ICE2: variants seen among roughly 807,000 people sequenced by gnomAD.
ICE2 encodes the protein interactor of little elongation complex ELL subunit 2, also known as little elongation complex subunit 2.
Under a neutral mutation model 105.4 loss-of-function variants are expected in ICE2, and 87 were observed. That is an observed-to-expected ratio of 0.83 (90% CI 0.69 to 0.99). The LOEUF is 0.99. ICE2 is among the 50% of genes least tolerant of loss of function. ICE2 has a pLI of 0.00. For synonymous variants in ICE2, 399 were observed against 392.0 expected (o/e 1.02, Z -0.21); for missense variants, 1,323 against 1,146.7 (o/e 1.15, Z -2.22).
intron 5 of ICE2, among the ~76,000 whole-genome samples, chr15:60,465,408 T>C (rs546737455): frequency 6.6e-5 from 10 of 152,138 alleles, no homozygotes; most frequent in Non-Finnish European, 1.3e-4. Flanking sequence ...CCAGGTTAGT[T>C]TCAAATTACT....
chr15:60,463,022 C>G (rs537903220), intron 5 of ICE2, among the ~76,000 whole-genome samples: 1 of 152,104 alleles, frequency 6.6e-6, no homozygotes, highest in African/African-American at 2.4e-5. Context: ...CAATAAATTA[C>G]AAGACACTCA....
chr15:60,451,540 T>C (rs2063966581), intron 9 of ICE2: 2 of 982,654 alleles, frequency 2.0e-6, no homozygotes, highest in Non-Finnish European at 2.4e-6. Context: ...GCAACATAAA[T>C]TAGACTAATA....
rs1352948731 is a variant in ICE2, at chr15:60,420,392, A to C, written c.*3242T>G. 1 of 152,120 alleles carries C rather than the reference A, an allele frequency of 6.6e-6. No individual in the cohort carries two copies. Among genetic ancestry groups the C allele is most frequent in the African/African-American group, 2.4e-5 (1 of 41,394 alleles). The allele number at this position is 152,120 out of a possible 1,614,324, so 9.4% of individuals were successfully genotyped here. A position where few individuals can be genotyped will look rare whatever the true frequency, so the allele number is the denominator to read the frequency against. On this transcript the variant is annotated 3_prime_UTR_variant, in exon 16 of 16. Coordinates refer to ENST00000261520, the MANE Select transcript of ICE2 (RefSeq NM_024611.6). ...GCCATTGCCATTTTTCAGTTACTAC[A>C]ACACAGGCTCCCAACATTTCTTCTT...
chr15:60,470,490 A>C (rs1208487822), intron 3 of ICE2, among the ~76,000 whole-genome samples: 1 of 152,184 alleles, frequency 6.6e-6, no homozygotes. Context: ...GGGGAATACT[A>C]AATGCCTGCA....
intron 15 of ICE2, among the ~76,000 whole-genome samples, chr15:60,427,535 C>T (rs927283946): frequency 1.3e-5 from 2 of 152,168 alleles, no homozygotes; most frequent in Non-Finnish European, 2.9e-5. Flanking sequence ...ATTCTCCTGC[C>T]TCAGCCTCTC....
At chr15:60,452,152 G>C in intron 9 of ICE2, 2 of 977,016 alleles carry the variant, frequency 2.0e-6, no homozygotes, top group African/African-American at 1.7e-5. Flanking sequence ...ATTTTTAAAA[G>C]TAAAATGTGT....
At position 60,428,730 on chromosome 15, in the gene ICE2, C is replaced by A; in HGVS notation, c.2562-43G>T. On this transcript the variant is annotated intron_variant, in intron 14 of 15. Transcript: ENST00000261520. ...AACTCAACCCACTGGCTCACTGTGT[C>A]AATTTCAACATCACTTTCTTAATCA... 3.2e-6 allele frequency: 5 copies of A among 1,580,062 alleles called. No homozygotes were observed. In the South Asian group the frequency reaches 5.7e-5, roughly 18 times the overall value.
In ICE2 at chr15:60,448,123, G is replaced by C. The variant is rs749381824; in HGVS notation, c.2142C>G (p.Asp714Glu). ...PKGRLPYELQ[D>E]YVEDTSEYLA... ...GGTATTCCGATGTATCTTCAACATAGTCCTGAAGTTCATATGGCAATCCTT... is the reference window on the plus strand; with the variant it reads ...GGTATTCCGATGTATCTTCAACATACTCCTGAAGTTCATATGGCAATCCTT... Residue 714 changes from aspartate to glutamate, a missense_variant, in exon 11 of 16, where the codon GAC (aspartate) becomes GAG (glutamate). Asp to Glu is a conservative substitution (Grantham distance 45, BLOSUM62 2). Coordinates refer to ENST00000261520, the MANE Select transcript of ICE2 (RefSeq NM_024611.6). 3.5e-5 allele frequency: 56 copies of C among 1,609,684 alleles called. No individual in the cohort carries two copies. The highest frequency in any genetic ancestry group is 4.7e-5 in the Non-Finnish European group (55 of 1,177,316).
chr15:60,433,576 C>G (rs1048179369), intron 13 of ICE2, among the ~76,000 whole-genome samples: 1 of 151,674 alleles, frequency 6.6e-6, no homozygotes, highest in Non-Finnish European at 1.5e-5. Flanking sequence ...ACTGCAACCT[C>G]CGCTCCTGGG....
intron 5 of ICE2, among the ~76,000 whole-genome samples, chr15:60,462,739 C>A (rs1403714780): frequency 6.6e-6 from 1 of 152,170 alleles, no homozygotes; most frequent in African/African-American, 2.4e-5. Context: ...CCCTCTCTCT[C>A]TCCCTCTATA....
intron 1 of ICE2, 162 bp downstream of exon 1, chr15:60,478,841 A>G: frequency 2.5e-6 from 1 of 403,952 alleles, no homozygotes; most frequent in Non-Finnish European, 5.1e-6. Context: ...AAAAGCAGGT[A>G]AAAGGGCAAG....
At chr15:60,438,896 T>C (rs2063655243) in intron 12 of ICE2, 1 of 152,252 alleles carries the variant, frequency 6.6e-6, no homozygotes, top group Non-Finnish European at 1.5e-5. Context: ...CTCTCTTATA[T>C]ATCACAGTGT....
At chr15:60,436,275 A>T in intron 12 of ICE2, 48 bp from the exon 13 acceptor site, 1 of 701,314 alleles carries the variant, frequency 1.4e-6, no homozygotes. Flanking sequence ...TGCAGTATTT[A>T]GAAAAAAAAA....
intron 5 of ICE2, among the ~76,000 whole-genome samples, chr15:60,463,625 T>A (rs2064340175): frequency 6.6e-6 from 1 of 152,210 alleles, no homozygotes; most frequent in Middle Eastern, 3.4e-3. Context: ...ACACAAAAAT[T>A]AGCTGGGCGT....
At chr15:60,423,948 T>C (rs1041756236) in intron 15 of ICE2, among the ~76,000 whole-genome samples, 186 bp from the exon 16 acceptor site, 1 of 152,250 alleles carries the variant, frequency 6.6e-6, no homozygotes, top group Non-Finnish European at 1.5e-5. Context: ...TACTAAACTT[T>C]CAAATAACCA....
chr15:60,435,460 G>C (rs950669802), intron 13 of ICE2, among the ~76,000 whole-genome samples: 2 of 151,776 alleles, frequency 1.3e-5, no homozygotes, highest in Non-Finnish European at 2.9e-5. Flanking sequence ...TTAGCCAGGC[G>C]TGGTGGCGCA....
chr15:60,442,613 A>G (rs1470733800), intron 11 of ICE2, 68 bp from the exon 12 acceptor site: 1 of 1,277,572 alleles, frequency 7.8e-7, no homozygotes, highest in Non-Finnish European at 1.1e-6. Context: ...ACATTTGCCT[A>G]TACAGCTTTG....
intron 15 of ICE2, among the ~76,000 whole-genome samples, chr15:60,426,901 TAAG>T (rs2063350365): frequency 6.6e-6 from 1 of 152,226 alleles, no homozygotes; most frequent in Admixed American, 6.5e-5. Flanking sequence ...TTGAGTTACT[TAAG>T]AAAATTTTTC....
chr15:60,431,119 A>G lies in ICE2; in HGVS notation c.2561+815T>C, dbSNP rs1239138729. On this transcript the variant is annotated intron_variant, in intron 14 of 15. Coordinates refer to ENST00000261520, the MANE Select transcript of ICE2 (RefSeq NM_024611.6). ...CATCTCCTGACCTCATGATCCGCCTACCTCGGCCTCCCAAAGTGCTGGGAT... is the reference window on the plus strand; with the variant it reads ...CATCTCCTGACCTCATGATCCGCCTGCCTCGGCCTCCCAAAGTGCTGGGAT... Among the ~76,000 whole-genome samples the G allele has an allele frequency of 3.3e-5, 5 of 150,890 alleles. No homozygotes were observed. The South Asian group carries it at 6.3e-4, about 19-fold the overall frequency.
Sources: allele counts gnomAD v4.1 joint callset (sites outside exome capture counted in the v4.1 genomes callset), GRCh38; gene constraint gnomAD v4.1.1; transcripts MANE v1.5; gene names NCBI Gene and HGNC (gene_info 2026-07-23, HGNC 2026-07-21).